The following DNAI7 variants were observed in gnomAD, a reference collection of about 807,000 sequenced individuals.
DNAI7 encodes the protein cancer susceptibility 1.
A neutral mutation model predicts 86.6 loss-of-function variants in DNAI7; 78 were observed. The ratio of observed to expected loss-of-function variants is 0.90; its 90% CI spans 0.75 to 1.09. The LOEUF is 1.09. Ranked by LOEUF, DNAI7 falls within the 50% of genes least tolerant of loss-of-function variation. The probability of loss-of-function intolerance (pLI) is 0.00; values close to 1 mark genes in which losing one functional copy is unlikely to be tolerated. For missense variants in DNAI7, 753 were observed against 810.2 expected (o/e 0.93, Z 0.86); for synonymous variants, 274 against 273.0 (o/e 1.00, Z -0.04).
chr12:25,148,475 T>C (rs4418900), intron 7 of DNAI7, among the ~76,000 whole-genome samples: 104,088 of 152,142 alleles, frequency 0.68, 39,668 homozygotes, highest in East Asian at 0.99. Flanking sequence ...AGAAGAATTA[T>C]GTATTCCTCA....
intron 12 of DNAI7, among the ~76,000 whole-genome samples, 183 bp downstream of exon 12, chr12:25,118,957 TACAAC>T (rs1160764655): frequency 6.6e-6 from 1 of 152,232 alleles, no homozygotes; most frequent in African/African-American, 2.4e-5. Context: ...AGTTAATAGT[TACAAC>T]ACTCAGCAAA....
intron 2 of DNAI7, among the ~76,000 whole-genome samples, chr12:25,162,811 G>T (rs769182576): frequency 6.6e-6 from 1 of 152,144 alleles, no homozygotes; most frequent in Non-Finnish European, 1.5e-5. Flanking sequence ...CTAAATCATA[G>T]TTCCAGTGAA....
In DNAI7 at chr12:25,195,109, A is replaced by G. The variant is rs972062097; in HGVS notation, c.-31T>C. 4 of 1,611,620 alleles carry G rather than the reference A, an allele frequency of 2.5e-6. No individual in the cohort carries two copies. Among genetic ancestry groups the G allele is most frequent in the Non-Finnish European group, 3.4e-6 (4 of 1,177,758 alleles). ...GTCAAGCTCCACTGCAGTAGTCCGC[A>G]GAGTCGGAGCAGAAATTGTGTGGAC... On this transcript the variant is annotated 5_prime_UTR_variant, in exon 1 of 16. Coordinates refer to ENST00000395987, the MANE Select transcript of DNAI7 (RefSeq NM_018272.5).
chr12:25,189,554 A>G (rs1950321681), intron 2 of DNAI7, among the ~76,000 whole-genome samples: 1 of 146,860 alleles, frequency 6.8e-6, no homozygotes, highest in South Asian at 2.2e-4. Context: ...AGGTGGGAGA[A>G]TTGCTTGAAC....
chr12:25,156,019 T>G lies in DNAI7; in HGVS notation c.199-607A>C, dbSNP rs118149933. ...ACTCAGGAGGCTGAAGGGGGAGAACTGCTTGACCCTGGAGGCAGAGGTTCC... is the reference window on the plus strand; with the variant it reads ...ACTCAGGAGGCTGAAGGGGGAGAACGGCTTGACCCTGGAGGCAGAGGTTCC... On this transcript the variant is annotated intron_variant, in intron 4 of 15. Coordinates refer to ENST00000395987, the MANE Select transcript of DNAI7 (RefSeq NM_018272.5). Among the ~76,000 whole-genome samples the G allele has an allele frequency of 2.3e-3, 348 of 152,010 alleles. 6 individuals carry two copies. The East Asian group carries it at 0.041, about 18-fold the overall frequency.
intron 9 of DNAI7, among the ~76,000 whole-genome samples, chr12:25,137,784 A>T (rs1312379644): frequency 2.0e-5 from 3 of 152,262 alleles, no homozygotes; most frequent in Non-Finnish European, 4.4e-5. Context: ...ACAGTAGTTT[A>T]AAAAGACAAA....
chr12:25,137,709 G>A (rs1943710378), intron 9 of DNAI7, among the ~76,000 whole-genome samples: 1 of 152,084 alleles, frequency 6.6e-6, no homozygotes, highest in African/African-American at 2.4e-5. Context: ...GACATTCCAT[G>A]CAAATGGACA....
At chr12:25,165,484 G>A (rs1947351766) in intron 2 of DNAI7, among the ~76,000 whole-genome samples, 3 of 152,216 alleles carry the variant, frequency 2.0e-5, no homozygotes, top group Admixed American at 1.3e-4. Flanking sequence ...CTCCTAAGCT[G>A]TGTCCCATCT....
chr12:25,169,195 A>C (rs1947845977), intron 2 of DNAI7, among the ~76,000 whole-genome samples: 1 of 152,128 alleles, frequency 6.6e-6, no homozygotes, highest in Non-Finnish European at 1.5e-5. Context: ...TTAACTGATG[A>C]CATTCCACCA....
At position 25,114,932 on chromosome 12, in the gene DNAI7, T is replaced by C. The variant is rs1939768206; in HGVS notation, c.1397-62A>G. 7 of 1,285,160 alleles carry C rather than the reference T, an allele frequency of 5.4e-6. No homozygotes were observed. In the African/African-American group the frequency reaches 9.0e-5, roughly 17 times the overall value. The allele number at this position is 1,285,160 out of a possible 1,614,324, so 79.6% of individuals were successfully genotyped here. A position where few individuals can be genotyped will look rare whatever the true frequency, so the allele number is the denominator to read the frequency against. ...TTTTTCCCTATTAAAAAAAGATAAA[T>C]GAAAGCACCAAAAAAATTGCTTTGT... On this transcript the variant is annotated intron_variant, in intron 12 of 15. Coordinates refer to ENST00000395987, the MANE Select transcript of DNAI7 (RefSeq NM_018272.5).
Position 25,184,657 on chromosome 12 carries a change from T to C in DNAI7, c.21+5957A>G, listed in dbSNP as rs74073322. Among the ~76,000 whole-genome samples, 526 of 152,338 alleles carry C rather than the reference T, an allele frequency of 3.5e-3. 8 individuals are homozygous for C. Among genetic ancestry groups the C allele is most frequent in the African/African-American group, 0.012 (507 of 41,576 alleles). On this transcript the variant is annotated intron_variant, in intron 2 of 15. Coordinates refer to ENST00000395987, the MANE Select transcript of DNAI7 (RefSeq NM_018272.5). ...GCAGGTGGCAAACTCAGTTTTGGTT[T>C]GTAAGAAAATGTTTTTATTCCACCT...
At chr12:25,131,163 A>T (rs1185972348) in intron 9 of DNAI7, among the ~76,000 whole-genome samples, 1 of 2,946 alleles carries the variant, frequency 3.4e-4, no homozygotes, top group African/African-American at 1.1e-3. Flanking sequence ...TTTACCCCCA[A>T]CCAAAAAAAA....
intron 9 of DNAI7, among the ~76,000 whole-genome samples, chr12:25,138,296 C>T (rs140271772): frequency 1.9e-3 from 286 of 152,192 alleles, no homozygotes; most frequent in Non-Finnish European, 3.3e-3. Context: ...AACTCTGTCT[C>T]TACTAAAAAT....
chr12:25,110,288 G>T (rs1027793494), intron 14 of DNAI7, 48 bp from the exon 15 acceptor site: 1 of 1,085,718 alleles, frequency 9.2e-7, no homozygotes, highest in Non-Finnish European at 1.4e-6. Context: ...CTCCCAACAA[G>T]TCTTCCTCCA....
At chr12:25,182,251 G>A (rs571541374) in intron 2 of DNAI7, among the ~76,000 whole-genome samples, 2 of 150,756 alleles carry the variant, frequency 1.3e-5, no homozygotes, top group South Asian at 4.2e-4. Flanking sequence ...GGAGGCTGAG[G>A]CAGGAGAATC....
chr12:25,177,881 G>A (rs186199057), intron 2 of DNAI7, among the ~76,000 whole-genome samples: 43 of 152,246 alleles, frequency 2.8e-4, no homozygotes, highest in Middle Eastern at 6.8e-3. Flanking sequence ...AAAGTGCGCT[G>A]TAACCTATCA....
intron 9 of DNAI7, among the ~76,000 whole-genome samples, chr12:25,132,225 G>A (rs936845310): frequency 2.0e-5 from 3 of 152,016 alleles, no homozygotes; most frequent in African/African-American, 7.2e-5. Context: ...ACACAATAGA[G>A]TATAGACAGT....
intron 1 of DNAI7, among the ~76,000 whole-genome samples, chr12:25,194,583 C>T (rs1450921302): frequency 1.3e-5 from 2 of 152,092 alleles, no homozygotes; most frequent in African/African-American, 4.8e-5. Context: ...AATGAGAAGC[C>T]TTATCATATT....
At chr12:25,124,176 G>A (rs906714916) in intron 9 of DNAI7, among the ~76,000 whole-genome samples, 1 of 151,974 alleles carries the variant, frequency 6.6e-6, no homozygotes, top group African/African-American at 2.4e-5. Flanking sequence ...GAAATTTAAA[G>A]CTAGTTATTC....
Sources: gnomAD v4.1 joint callset for allele counts (sites outside exome capture counted in the v4.1 genomes callset) on GRCh38, gnomAD v4.1.1 for gene constraint, MANE v1.5 for transcripts, NCBI Gene and HGNC (gene_info 2026-07-23, HGNC 2026-07-21) for gene names.